Variants in MIB1 observed in about 807,000 individuals in gnomAD.
MIB1 encodes E3 ubiquitin-protein ligase MIB1.
MIB1 carries 278 observed loss-of-function variants against 124.5 expected under a neutral mutation model. The observed-to-expected ratio is 2.23, with a 90% CI of 2.02 to 2.47. The LOEUF is 2.47. Among genes scored for constraint, MIB1 ranks in the 30% most tolerant of loss-of-function variants. The pLI, the probability that MIB1 is intolerant of heterozygous loss-of-function variation, is 0.00. For missense variants in MIB1, 957 were observed against 1,254.4 expected, an observed-to-expected ratio of 0.76 and a Z score of 3.58; for synonymous variants, 446 against 429.4, an observed-to-expected ratio of 1.04 and a Z score of -0.48.
chr18:21,762,478 CATT>C (rs2041109377), intron 1 of MIB1, among the ~76,000 whole-genome samples: 1 of 152,124 alleles, frequency 6.6e-6, no homozygotes, highest in East Asian at 1.9e-4. Flanking sequence ...TACAATGTGA[CATT>C]TTTGCATCTA....
intron 1 of MIB1, among the ~76,000 whole-genome samples, chr18:21,727,183 C>T (rs1315006333): frequency 6.6e-6 from 1 of 151,948 alleles, no homozygotes; most frequent in East Asian, 1.9e-4. Flanking sequence ...GAACTCAGCT[C>T]ACTGCAACTT....
chr18:21,761,973 G>A (rs535645609), intron 1 of MIB1, among the ~76,000 whole-genome samples: 10 of 152,238 alleles, frequency 6.6e-5, no homozygotes, highest in Non-Finnish European at 1.5e-4. Context: ...TAATGGGTGG[G>A]AGTACACGGT....
intron 1 of MIB1, among the ~76,000 whole-genome samples, chr18:21,728,512 A>G (rs2146362877): frequency 6.6e-6 from 1 of 152,226 alleles, no homozygotes; most frequent in African/African-American, 2.4e-5. Context: ...ACAAAAAACT[A>G]TCCCTAATCC....
chr18:21,834,008 A>G (rs540187096), intron 12 of MIB1, among the ~76,000 whole-genome samples: 1 of 152,168 alleles, frequency 6.6e-6, no homozygotes, highest in African/African-American at 2.4e-5. Context: ...AAATTACTGA[A>G]TTCTCGAGCT....
Position 21,741,648 on chromosome 18 carries a change from C to T in MIB1, c.65C>T (p.Pro22Leu), listed in dbSNP as rs1470742985. The T allele has an allele frequency of 1.9e-6, 3 of 1,610,248 alleles. No individual in the cohort carries two copies. Among genetic ancestry groups the T allele is most frequent in the Non-Finnish European group, 2.5e-6 (3 of 1,178,930 alleles). The change falls in exon 1 of 21, where the codon CCG becomes CTG. Residue 22 changes from proline (P) to leucine (L), a missense_variant. By Grantham distance (98) the Pro-to-Leu change is moderately conservative (BLOSUM62 -3). Transcript: ENST00000261537. This position sits in a 1 kb window ranked among gnomAD's most constrained non-coding sequence, Gnocchi z 5.4. ...EGVGARVVRGPDWKWGKQDGG... is the reference protein window; with the variant it reads ...EGVGARVVRGLDWKWGKQDGG... ...GTTGGCGCTCGGGTAGTGCGCGGCC[C>T]GGACTGGAAGTGGGGGAAGCAGGAC...
Position 21,765,950 on chromosome 18 carries a change from A to G in MIB1, c.401+7A>G. 1 of 1,613,624 alleles carries G rather than the reference A, an allele frequency of 6.2e-7. No individual in the cohort carries two copies. Among genetic ancestry groups the G allele is most frequent in the East Asian group, 2.2e-5 (1 of 44,884 alleles). On this transcript the variant is annotated splice_region_variant and intron_variant, in intron 2 of 20. Coordinates refer to ENST00000261537, the MANE Select transcript of MIB1 (RefSeq NM_020774.4). ...CTACACCGGGAAGTGAGAGGTAGGG[A>G]GAACCCTTTTCTTCTTCAACCGAGG...
chr18:21,724,727 A>AAAAAATAT (rs1350936232), intron 1 of MIB1, among the ~76,000 whole-genome samples: 10 of 17,370 alleles, frequency 5.8e-4, no homozygotes, highest in African/African-American at 7.3e-4. Context: ...AAAAAAAAAA[A>AAAAAATAT]ATATATATAT....
At chr18:21,825,772 T>C (rs1263138540) in intron 12 of MIB1, 1 of 522,954 alleles carries the variant, frequency 1.9e-6, no homozygotes, top group South Asian at 1.4e-5. Flanking sequence ...TTACCAGCTC[T>C]AGCAAAGCAT....
At chr18:21,788,898 T>C (rs188854655) in intron 6 of MIB1, among the ~76,000 whole-genome samples, 5 of 152,256 alleles carry the variant, frequency 3.3e-5, no homozygotes, top group Admixed American at 3.3e-4. Context: ...TAAGAATAAA[T>C]TTAACCAAGG....
chr18:21,752,635 A>G (rs1021571434), intron 1 of MIB1, among the ~76,000 whole-genome samples: 17 of 152,224 alleles, frequency 1.1e-4, no homozygotes, highest in Admixed American at 5.2e-4. Context: ...TATAGTATGT[A>G]TTAATGAAGA....
intron 1 of MIB1, among the ~76,000 whole-genome samples, chr18:21,735,098 G>A (rs2040790130): frequency 6.6e-6 from 1 of 152,206 alleles, no homozygotes; most frequent in South Asian, 2.1e-4. Context: ...TGGCTGGCAA[G>A]GTGGCCAAAT....
intron 12 of MIB1, chr18:21,826,061 G>A (rs529118899): frequency 1.3e-5 from 3 of 228,452 alleles, no homozygotes; most frequent in Admixed American, 5.5e-5. Context: ...GTCCACAGCC[G>A]AAGTCTTTGC....
rs1409354346 is a variant in MIB1, at chr18:21,856,275, A to AC, written c.2666-855_2666-854insC. Among the ~76,000 whole-genome samples, 4 of 152,124 alleles carry AC rather than the reference A, an allele frequency of 2.6e-5. No individual in the cohort carries two copies. In the East Asian group the frequency reaches 5.8e-4, roughly 22 times the overall value. On this transcript the variant is annotated intron_variant, in intron 18 of 20. Coordinates refer to ENST00000261537, the MANE Select transcript of MIB1 (RefSeq NM_020774.4). ...AAAACAAAAAACAAAACAAAACAAA[A>AC]AAAAAACAATCATAACAACATACAG...
intron 12 of MIB1, among the ~76,000 whole-genome samples, chr18:21,837,658 C>T (rs1359891183): frequency 6.6e-6 from 1 of 152,128 alleles, no homozygotes; most frequent in African/African-American, 2.4e-5. Context: ...CTTTAATTCT[C>T]TTTTGTATAA....
At chr18:21,725,019 C>T (rs368696241) in intron 1 of MIB1, among the ~76,000 whole-genome samples, 3 of 131,008 alleles carry the variant, frequency 2.3e-5, no homozygotes, top group Non-Finnish European at 4.7e-5. Context: ...GGCGTGAACG[C>T]GGGAGGTGGA....
intron 1 of MIB1, among the ~76,000 whole-genome samples, chr18:21,757,067 T>G (rs989315091): frequency 6.6e-6 from 1 of 152,142 alleles, no homozygotes. Flanking sequence ...AGACATTTTC[T>G]TAATGCATTT....
At chr18:21,738,830 A>ACC (rs2040808283), upstream of MIB1, among the ~76,000 whole-genome samples, 1 of 34,860 alleles carries the variant, frequency 2.9e-5, no homozygotes, top group African/African-American at 1.6e-4. Context: ...AAAAAAAAAA[A>ACC]AAAAAAAAAA....
In MIB1 at chr18:21,763,698, A is replaced by T. The variant is rs572443211; in HGVS notation, c.230-2074A>T. ...TGTTTCCTCTTGAATGATCTCGTTT[A>T]GACTTTCTCATTTATATCCTCTACA... is the stretch of plus-strand genomic sequence containing the variant. On this transcript the variant is annotated intron_variant, in intron 1 of 20. Coordinates refer to ENST00000261537, the MANE Select transcript of MIB1 (RefSeq NM_020774.4). Among the ~76,000 whole-genome samples the T allele has an allele frequency of 6.6e-5, 10 of 152,180 alleles. No individual in the cohort carries two copies. In the East Asian group the frequency reaches 1.4e-3, roughly 21 times the overall value.
chr18:21,776,358 A>G (rs1326434354), intron 4 of MIB1, among the ~76,000 whole-genome samples: 1 of 151,872 alleles, frequency 6.6e-6, no homozygotes, highest in Non-Finnish European at 1.5e-5. Context: ...GCTATAAAAG[A>G]GTTGGGTACT....
Sources: gnomAD v4.1 joint callset for allele counts (sites outside exome capture counted in the v4.1 genomes callset) on GRCh38, gnomAD v4.1.1 for gene constraint, Gnocchi (gnomAD v3.1) non-coding constraint, MANE v1.5 for transcripts, NCBI Gene and HGNC (gene_info 2026-07-23, HGNC 2026-07-21) for gene names.